Variants in XYLT1 observed in about 807,000 individuals in gnomAD.
XYLT1 encodes the protein beta-D-xylosyltransferase 1.
Under a neutral mutation model 91.3 loss-of-function variants are expected in XYLT1, and 36 were observed. That is an observed-to-expected ratio of 0.39 (90% CI 0.30 to 0.52). The LOEUF (loss-of-function observed/expected upper bound fraction) is 0.52, where lower values mean the gene tolerates loss of function less well. XYLT1 is among the 20% of genes least tolerant of loss of function. The probability of loss-of-function intolerance (pLI) is 0.68; values close to 1 mark genes in which losing one functional copy is unlikely to be tolerated. For synonymous variants in XYLT1, 588 were observed against 532.0 expected (o/e 1.11, Z -1.45); for missense variants, 1,242 against 1,284.5 (o/e 0.97, Z 0.51).
chr16:17,109,988 A>G (rs1966831286), intron 11 of XYLT1, among the ~76,000 whole-genome samples: 1 of 152,164 alleles, frequency 6.6e-6, no homozygotes, highest in Non-Finnish European at 1.5e-5. Flanking sequence ...CTCTCATAAC[A>G]GTGCTGCCTT....
At chr16:17,304,493 G>A (rs909206332) in intron 2 of XYLT1, among the ~76,000 whole-genome samples, 1 of 152,182 alleles carries the variant, frequency 6.6e-6, no homozygotes, top group Non-Finnish European at 1.5e-5. Flanking sequence ...TTTGGACCGC[G>A]CAGGGGAGGG....
chr16:17,411,835 T>C (rs1391060082), intron 1 of XYLT1, among the ~76,000 whole-genome samples: 2 of 152,196 alleles, frequency 1.3e-5, no homozygotes, highest in Non-Finnish European at 2.9e-5. Context: ...AGGCCTCTGA[T>C]GAGCAACAGA....
At chr16:17,118,209 G>A (rs1474184430) in intron 10 of XYLT1, among the ~76,000 whole-genome samples, 3 of 152,086 alleles carry the variant, frequency 2.0e-5, no homozygotes, top group Non-Finnish European at 4.4e-5. Flanking sequence ...TTAAACCACC[G>A]GGCCTCCTGT....
chr16:17,153,698 A>G (rs751694041), intron 6 of XYLT1, among the ~76,000 whole-genome samples: 3 of 152,140 alleles, frequency 2.0e-5, no homozygotes, highest in Non-Finnish European at 4.4e-5. Flanking sequence ...TACACATAAG[A>G]TCAATACCTA....
chr16:17,131,550 G>T (rs540441678), intron 9 of XYLT1, among the ~76,000 whole-genome samples: 2 of 152,280 alleles, frequency 1.3e-5, no homozygotes, highest in Admixed American at 1.3e-4. Flanking sequence ...CTAGTGCTTC[G>T]TGCCTGCCCC....
chr16:17,121,209 C>G (rs1017394281), intron 10 of XYLT1, among the ~76,000 whole-genome samples: 1 of 152,196 alleles, frequency 6.6e-6, no homozygotes, highest in African/African-American at 2.4e-5. Flanking sequence ...GGGAACCCTC[C>G]AGAACACTGC....
chr16:17,400,539 G>A (rs368023154), intron 1 of XYLT1, among the ~76,000 whole-genome samples: 115 of 146,724 alleles, frequency 7.8e-4, no homozygotes, highest in African/African-American at 2.4e-3. Context: ...ACAGTGAGCT[G>A]AGATCATGCC....
intron 1 of XYLT1, among the ~76,000 whole-genome samples, chr16:17,370,649 C>A (rs1437602752): frequency 6.6e-6 from 1 of 152,168 alleles, no homozygotes; most frequent in East Asian, 1.9e-4. Flanking sequence ...AGGTGGCCAA[C>A]AGAAACTGGA....
chr16:17,233,851 A>G (rs2033205684), intron 3 of XYLT1, among the ~76,000 whole-genome samples: 1 of 152,102 alleles, frequency 6.6e-6, no homozygotes, highest in Admixed American at 6.6e-5. Context: ...GACGCTTGCT[A>G]TAAATACCAC....
At chr16:17,283,331 G>A (rs1221780781) in intron 2 of XYLT1, among the ~76,000 whole-genome samples, 3 of 152,150 alleles carry the variant, frequency 2.0e-5, no homozygotes, top group South Asian at 2.1e-4. Context: ...AAGGCCGGGG[G>A]CAGTCACAGT....
At chr16:17,232,429 G>GTGTGTGTGTATCTATATA (rs1194509016) in intron 3 of XYLT1, among the ~76,000 whole-genome samples, 1 of 121,736 alleles carries the variant, frequency 8.2e-6, no homozygotes, top group Non-Finnish European at 1.7e-5. Flanking sequence ...GTGTGTGTGT[G>GTGTGTGTGTATCTATATA]TATATATATA....
At chr16:17,344,557 G>GATTA (rs1452123968) in intron 2 of XYLT1, among the ~76,000 whole-genome samples, 1 of 151,842 alleles carries the variant, frequency 6.6e-6, no homozygotes, top group Admixed American at 6.6e-5. Flanking sequence ...AGTGACCCCA[G>GATTA]GTTAGTCAGT....
At chr16:17,136,651 G>C (rs1055122494) in intron 8 of XYLT1, among the ~76,000 whole-genome samples, 4 of 151,598 alleles carry the variant, frequency 2.6e-5, no homozygotes, top group Non-Finnish European at 5.9e-5. Context: ...CTCTGCCTGC[G>C]ATTCCGACCA....
At chr16:17,217,469 T>G (rs924931579) in intron 3 of XYLT1, among the ~76,000 whole-genome samples, 2 of 152,238 alleles carry the variant, frequency 1.3e-5, no homozygotes, top group Non-Finnish European at 2.9e-5. Context: ...TTATATATAA[T>G]CATGTATGTT....
At chr16:17,443,636 G>A (rs900811049) in intron 1 of XYLT1, among the ~76,000 whole-genome samples, 2 of 152,154 alleles carry the variant, frequency 1.3e-5, no homozygotes, top group Admixed American at 6.5e-5. Flanking sequence ...TTATAGAAGT[G>A]TGAGAATGGA....
At chr16:17,454,378 T>C (rs2036707549) in intron 1 of XYLT1, among the ~76,000 whole-genome samples, 1 of 152,166 alleles carries the variant, frequency 6.6e-6, no homozygotes. Context: ...TTAGCAAACT[T>C]TTTGGTAACA....
At chr16:17,283,546 A>T (rs1425902318) in intron 2 of XYLT1, among the ~76,000 whole-genome samples, 1 of 152,224 alleles carries the variant, frequency 6.6e-6, no homozygotes, top group East Asian at 1.9e-4. Context: ...GAGTCTTTGA[A>T]ATCCTGCCTC....
intron 3 of XYLT1, among the ~76,000 whole-genome samples, chr16:17,253,636 C>G (rs992939510): frequency 6.6e-6 from 1 of 152,146 alleles, no homozygotes; most frequent in African/African-American, 2.4e-5. Context: ...CTCATCTCCC[C>G]TTTACAGATG....
At chr16:17,393,573 G>C (rs897567641) in intron 1 of XYLT1, among the ~76,000 whole-genome samples, 1 of 151,988 alleles carries the variant, frequency 6.6e-6, no homozygotes, top group African/African-American at 2.4e-5. Context: ...CAATGTAGAT[G>C]CTAAATGTTC....
Sources: allele counts gnomAD v4.1 joint callset (sites outside exome capture counted in the v4.1 genomes callset), GRCh38; gene constraint gnomAD v4.1.1; transcripts MANE v1.5; gene names NCBI Gene and HGNC (gene_info 2026-07-23, HGNC 2026-07-21).